KLF11: variants seen among roughly 807,000 people sequenced by gnomAD.
KLF11 encodes the protein KLF transcription factor 11, also known as Krueppel-like factor 11.
In KLF11, 26 loss-of-function variants were observed where a neutral mutation model predicts 29.9. The observed-to-expected ratio is 0.87, with a 90% CI of 0.64 to 1.21. The LOEUF (loss-of-function observed/expected upper bound fraction) is 1.21, where lower values mean the gene tolerates loss of function less well. Ranked by LOEUF, KLF11 falls within the 50% of genes most tolerant of loss-of-function variation. The pLI is 0.00. For missense variants in KLF11, 778 were observed against 665.7 expected, an observed-to-expected ratio of 1.17 and a Z score of -1.86; for synonymous variants, 318 against 257.4, an observed-to-expected ratio of 1.24 and a Z score of -2.25.
At chr2:10,047,118 C>T (rs907436307) in intron 2 of KLF11, among the ~76,000 whole-genome samples, 16 of 152,140 alleles carry the variant, frequency 1.1e-4, no homozygotes, top group Admixed American at 5.9e-4. Context: ...TTGGGTGGCA[C>T]CTCTGCCCTC....
chr2:10,046,028 A>G (rs572782762), intron 1 of KLF11, 122 bp from the exon 2 acceptor site: 19 of 1,104,302 alleles, frequency 1.7e-5, no homozygotes, highest in Non-Finnish European at 2.5e-5. Flanking sequence ...TTGTTGCTAT[A>G]GACTATTGCA....
intron 1 of KLF11, chr2:10,044,279 C>T: frequency 1.0e-6 from 1 of 983,424 alleles, no homozygotes; most frequent in South Asian, 4.7e-5. Flanking sequence ...GGGAGCGCCG[C>T]ACTGCCTTGG....
intron 1 of KLF11, chr2:10,044,445 C>A: frequency 1.0e-6 from 1 of 985,464 alleles, no homozygotes; most frequent in Non-Finnish European, 1.2e-6. Flanking sequence ...CCCTTCCCGC[C>A]CGTGTGGTGA....
At chr2:10,044,131 CAAGAGCTGCTGGCGGGA>C (rs1192498046) in intron 1 of KLF11, 156 of 139,536 alleles carry the variant, frequency 1.1e-3, no homozygotes, top group African/African-American at 9.7e-3. Flanking sequence ...GGGGGCGGGG[CAAGAGCTGCTGGCGGGA>C]ACGCGGCACG....
rs774690563 is a variant in KLF11, at chr2:10,047,634, G to GTACTTTTTT, written c.313-14_313-6dup. ...AAATTTAAAGCAACCTTTTAACATGGTACTTTTTTTTTTAGTGCATAACTC... is the reference window on the plus strand; with the variant it reads ...AAATTTAAAGCAACCTTTTAACATGGTACTTTTTTTACTTTTTTTTTTAGTGCATAACTC... On this transcript the variant is annotated splice_polypyrimidine_tract_variant and intron_variant, in intron 2 of 3. Coordinates refer to ENST00000305883, the MANE Select transcript of KLF11 (RefSeq NM_003597.5). The GTACTTTTTT allele has an allele frequency of 1.3e-6, 2 of 1,596,032 alleles. No homozygotes were observed. Among genetic ancestry groups the GTACTTTTTT allele is most frequent in the East Asian group, 4.5e-5 (2 of 44,798 alleles).
In KLF11 at chr2:10,047,850, G is replaced by A. The variant is rs1661264293; in HGVS notation, c.513G>A (p.Lys171=). The A allele has an allele frequency of 6.2e-7, 1 of 1,613,784 alleles. No individual in the cohort carries two copies. The highest frequency in any genetic ancestry group is 1.1e-5 in the South Asian group (1 of 91,084). Residue 171 remains lysine (K), a synonymous_variant, in exon 3 of 4, where the codon AAG becomes AAA. Transcript: ENST00000305883. The part of the protein sequence containing the change: ...EPVPSSPCRA[K]GTSVIRHTGE... Reference sequence around the variant, plus strand: ...TGCCCAGCTCTCCCTGCAGGGCCAAGGGGACTAGCGTGATCCGACACACTG... The same window carrying A: ...TGCCCAGCTCTCCCTGCAGGGCCAAAGGGACTAGCGTGATCCGACACACTG...
In KLF11 at chr2:10,052,800, G is replaced by A; in HGVS notation, c.*293G>A. ...TTCAAACAAATATTTCGGCAATAAA[G>A]TTTACAAAATCTGGATTTTTACAAC... is the stretch of plus-strand genomic sequence containing the variant. On this transcript the variant is annotated 3_prime_UTR_variant, in exon 4 of 4. Transcript: ENST00000305883. The A allele has an allele frequency of 4.8e-6, 2 of 416,748 alleles. No individual in the cohort carries two copies. The highest frequency in any genetic ancestry group is 8.5e-6 in the Non-Finnish European group (2 of 234,316). 25.8% of individuals were successfully genotyped at this position (416,748 alleles called of 1,614,324 possible).
At chr2:10,044,867 C>T (rs1031727522) in intron 1 of KLF11, among the ~76,000 whole-genome samples, 1 of 152,142 alleles carries the variant, frequency 6.6e-6, no homozygotes, top group Non-Finnish European at 1.5e-5. Context: ...CGGTGAGGGT[C>T]TGGTGCGGTG....
At chr2:10,044,991 C>G (rs1661144574) in intron 1 of KLF11, among the ~76,000 whole-genome samples, 1 of 152,130 alleles carries the variant, frequency 6.6e-6, no homozygotes, top group African/African-American at 2.4e-5. Flanking sequence ...ACTAAAAATA[C>G]AAAAATCAGC....
rs1376529631 is a variant in KLF11, at chr2:10,048,139, C to G, written c.802C>G (p.Leu268Val). Reference sequence around the variant, plus strand: ...CTCACCAAAGAATTATGAAAATGACCTGCCCAGGAAAACCACCCCTCTGAT... The same window carrying G: ...CTCACCAAAGAATTATGAAAATGACGTGCCCAGGAAAACCACCCCTCTGAT... ...TCSPKNYENDLPRKTTPLISV... is the reference protein window; with the variant it reads ...TCSPKNYENDVPRKTTPLISV... The change falls in exon 3 of 4, where the codon CTG (leucine) becomes GTG (valine). Residue 268 changes from leucine (L) to valine (V), a missense_variant. By Grantham distance (32) the Leu-to-Val change is conservative. Transcript: ENST00000305883. 1 of 1,614,202 alleles carries G rather than the reference C, an allele frequency of 6.2e-7. No individual in the cohort carries two copies. Among genetic ancestry groups the G allele is most frequent in the East Asian group, 2.2e-5 (1 of 44,894 alleles).
intron 3 of KLF11, among the ~76,000 whole-genome samples, chr2:10,050,624 G>A (rs540644946): frequency 6.6e-6 from 1 of 151,970 alleles, no homozygotes; most frequent in African/African-American, 2.4e-5. Flanking sequence ...CAGGAGAATC[G>A]CTTGAGCCTG....
intron 1 of KLF11, chr2:10,044,416 C>T: frequency 2.0e-6 from 2 of 985,540 alleles, no homozygotes; most frequent in African/African-American, 3.5e-5. Context: ...GGTGTGCGGG[C>T]ACTGTGGGCC....
rs1485282656 is a variant in KLF11, at chr2:10,054,428, A to C, written c.*1921A>C. The C allele has an allele frequency of 6.6e-6, 1 of 152,636 alleles. No individual in the cohort carries two copies. The highest frequency in any genetic ancestry group is 2.4e-5 in the African/African-American group (1 of 41,472). 9.5% of individuals were successfully genotyped at this position (152,636 alleles called of 1,614,324 possible). A position where few individuals can be genotyped will look rare whatever the true frequency, so the allele number is the denominator to read the frequency against. ...ATTTCTAAAGAGGAGATACATGTTG[A>C]AAACGGTTTTAATTTACACTTCCAT... On this transcript the variant is annotated 3_prime_UTR_variant, in exon 4 of 4. Transcript: ENST00000305883.
Position 10,047,689 on chromosome 2 carries a change from T to C in KLF11, c.352T>C (p.Ser118Pro). 1 of 1,613,446 alleles carries C rather than the reference T, an allele frequency of 6.2e-7. No individual in the cohort carries two copies. Residue 118 changes from serine to proline, a missense_variant, in exon 3 of 4, where the codon TCG (serine) becomes CCG (proline). Physicochemically the swap from Ser to Pro is moderately conservative, Grantham distance 74. Coordinates refer to ENST00000305883, the MANE Select transcript of KLF11 (RefSeq NM_003597.5). Reference sequence around the variant, plus strand: ...TCAGAGCCCTGATCTCGTGGAGCCATCGACAAGGACACCTGTTTCTCCCCA... The same window carrying C: ...TCAGAGCCCTGATCTCGTGGAGCCACCGACAAGGACACCTGTTTCTCCCCA... Reference protein sequence around the residue: ...PPQSPDLVEPSTRTPVSPQVT... With the variant: ...PPQSPDLVEPPTRTPVSPQVT...
chr2:10,051,608 C>T (rs1661407499), intron 3 of KLF11, among the ~76,000 whole-genome samples: 1 of 152,104 alleles, frequency 6.6e-6, no homozygotes, highest in Non-Finnish European at 1.5e-5. Context: ...AGCTCTGCCT[C>T]CCGGGTTCAC....
rs1316054503 is a variant in KLF11 at position 10,054,086 on chromosome 2, C to G, written c.*1579C>G. The G allele has an allele frequency of 6.6e-6, 1 of 152,182 alleles. No homozygotes were observed. Among genetic ancestry groups the G allele is most frequent in the Non-Finnish European group, 1.5e-5 (1 of 68,032 alleles). The allele number at this position is 152,182 out of a possible 1,614,324, so 9.4% of individuals were successfully genotyped here. On this transcript the variant is annotated 3_prime_UTR_variant, in exon 4 of 4. Coordinates refer to ENST00000305883, the MANE Select transcript of KLF11 (RefSeq NM_003597.5). The stretch of plus-strand genomic sequence containing the variant: ...TACCTGTTAACTTGCCCCTTAGTAT[C>G]AGCTGTTACTTGACACAAATGTGTG...
Position 10,047,787 on chromosome 2 carries a change from C to G in KLF11, c.450C>G (p.Ser150Arg). 1 of 1,613,540 alleles carries G rather than the reference C, an allele frequency of 6.2e-7. No homozygotes were observed. The highest frequency in any genetic ancestry group is 8.5e-7 in the Non-Finnish European group (1 of 1,179,906). Reference sequence around the variant, plus strand: ...CTGCCGTAGTGGCCAGAGCTCTGAGCGGGGGCGCGGAGAGGGGCTTGCTGG... The same window carrying G: ...CTGCCGTAGTGGCCAGAGCTCTGAGGGGGGGCGCGGAGAGGGGCTTGCTGG... ...QSSAVVARAL[S>R]GGAERGLLGL... Residue 150 changes from serine (S) to arginine (R), a missense_variant, in exon 3 of 4, where the codon AGC becomes AGG. Transcript: ENST00000305883.
chr2:10,049,058 GT>G (rs1170950391), intron 3 of KLF11, among the ~76,000 whole-genome samples: 1 of 152,014 alleles, frequency 6.6e-6, no homozygotes, highest in Non-Finnish European at 1.5e-5. Context: ...AAAGAGTATA[GT>G]TTTCTTACCT....
At chr2:10,050,093 C>T (rs1004031306) in intron 3 of KLF11, among the ~76,000 whole-genome samples, 1 of 152,336 alleles carries the variant, frequency 6.6e-6, no homozygotes, top group East Asian at 1.9e-4. Context: ...CAAGTTGCTT[C>T]CATGTTTCCT....
Sources: gnomAD v4.1 joint callset for allele counts (sites outside exome capture counted in the v4.1 genomes callset) on GRCh38, gnomAD v4.1.1 for gene constraint, MANE v1.5 for transcripts, NCBI Gene and HGNC (gene_info 2026-07-23, HGNC 2026-07-21) for gene names.